The following RNF149 variants were observed in gnomAD, a reference collection of about 807,000 sequenced individuals.
RNF149 encodes E3 ubiquitin-protein ligase RNF149.
In RNF149, 21 loss-of-function variants were observed where a neutral mutation model predicts 39.0. The observed-to-expected ratio is 0.54, with a 90% CI of 0.38 to 0.77. RNF149 has a LOEUF of 0.77. Among genes scored for constraint, RNF149 ranks in the 30% least tolerant of loss-of-function variants. The pLI, the probability that RNF149 is intolerant of heterozygous loss-of-function variation, is 0.00. For missense variants in RNF149, 493 were observed against 534.9 expected, an observed-to-expected ratio of 0.92 and a Z score of 0.77; for synonymous variants, 209 against 213.6, an observed-to-expected ratio of 0.98 and a Z score of 0.19.
downstream of RNF149, among the ~76,000 whole-genome samples, chr2:101,275,493 G>A (rs1441348207): frequency 2.5e-5 from 3 of 121,430 alleles, no homozygotes; most frequent in African/African-American, 9.7e-5. Flanking sequence ...CCAGGCTGGA[G>A]TGCAGTGGCG....
rs1558799591 is a variant in RNF149 at position 101,308,202 on chromosome 2, C to T, written c.387G>A (p.Arg129=). The change falls in exon 1 of 7, where the codon CGG becomes CGA. Residue 129 remains arginine (R), a synonymous_variant. Coordinates refer to ENST00000295317, the MANE Select transcript of RNF149 (RefSeq NM_173647.4). ...TFKDKVLVAA[R]RNASAVVLYN... ...AGAGGACGACGGCCGAGGCGTTCCT[C>T]CGCGCCGCCACCAGCACCTTGTCCT... 1.2e-6 allele frequency: 2 copies of T among 1,609,432 alleles called. No individual in the cohort carries two copies. Among genetic ancestry groups the T allele is most frequent in the African/African-American group, 1.3e-5 (1 of 74,624 alleles).
Position 101,286,082 on chromosome 2 carries a change from C to A in RNF149, c.959G>T (p.Trp320Leu). ...AATATAAACAAAAATGTAACAAACC[C>A]AATATCCTAGGGCTTTGATGACATC... ...KLDVIKALGYWGEPGDVQEMP... is the reference protein window; with the variant it reads ...KLDVIKALGYLGEPGDVQEMP... The change falls in exon 5 of 7, where the codon TGG becomes TTG. Residue 320 changes from tryptophan (W) to leucine (L), a missense_variant and splice_region_variant. By Grantham distance (61) the Trp-to-Leu change is moderately conservative (BLOSUM62 -2). Transcript: ENST00000295317. The A allele has an allele frequency of 6.3e-7, 1 of 1,590,522 alleles. No individual in the cohort carries two copies. The highest frequency in any genetic ancestry group is 8.6e-7 in the Non-Finnish European group (1 of 1,160,092).
At chr2:101,289,684 A>G (rs1682935577) in intron 3 of RNF149, among the ~76,000 whole-genome samples, 1 of 150,562 alleles carries the variant, frequency 6.6e-6, no homozygotes, top group South Asian at 2.1e-4. Context: ...CAGCCTGGGC[A>G]ACTGTTGAGC....
downstream of RNF149, chr2:101,273,293 G>A (rs1386942393): frequency 1.9e-5 from 9 of 481,584 alleles, no homozygotes; most frequent in South Asian, 1.2e-4. Context: ...TGCCACCCGC[G>A]GTTTCCACAG....
intron 5 of RNF149, among the ~76,000 whole-genome samples, chr2:101,285,444 A>G (rs1168120325): frequency 6.6e-6 from 1 of 152,194 alleles, no homozygotes; most frequent in Non-Finnish European, 1.5e-5. Context: ...TCAAGTTTCT[A>G]ATCAGTAAGA....
chr2:101,282,152 C>A (rs914695443), intron 5 of RNF149, 95 bp from the exon 6 acceptor site: 2 of 1,515,668 alleles, frequency 1.3e-6, no homozygotes, highest in African/African-American at 1.4e-5. Flanking sequence ...CACAATATTA[C>A]GTACTTCTGT....
chr2:101,300,893 G>A (rs762976954), intron 1 of RNF149, among the ~76,000 whole-genome samples: 1 of 152,164 alleles, frequency 6.6e-6, no homozygotes, highest in African/African-American at 2.4e-5. Flanking sequence ...TGCCAGGCAC[G>A]GGCACCTTGC....
At position 101,277,087 on chromosome 2, in the gene RNF149, T is replaced by G. The variant is rs1573216162; in HGVS notation, c.*151A>C. ...GAAAAGTCTCTTCAAGAAGAAAATA[T>G]CTTAGTCCTTTGTATATCAAATCAG... is the stretch of plus-strand genomic sequence containing the variant. On this transcript the variant is annotated 3_prime_UTR_variant, in exon 7 of 7. Transcript: ENST00000295317. 2.8e-6 allele frequency: 4 copies of G among 1,406,138 alleles called. No individual in the cohort carries two copies. The East Asian group carries it at 1.1e-4, about 38-fold the overall frequency. The allele number at this position is 1,406,138 out of a possible 1,614,324, so 87.1% of individuals were successfully genotyped here. A position where few individuals can be genotyped will look rare whatever the true frequency, so the allele number is the denominator to read the frequency against.
intron 6 of RNF149, 82 bp from the exon 7 acceptor site, chr2:101,277,363 T>C (rs920555222): frequency 9.3e-6 from 14 of 1,503,514 alleles, no homozygotes; most frequent in East Asian, 2.4e-5. Context: ...ACTTACTCAC[T>C]TGGAGATAAT....
At chr2:101,283,854 C>G (rs1017877035) in intron 5 of RNF149, among the ~76,000 whole-genome samples, 2 of 152,106 alleles carry the variant, frequency 1.3e-5, no homozygotes, top group Admixed American at 6.6e-5. Context: ...CAGTGAAATT[C>G]CTTTCATACA....
At chr2:101,288,230 C>CTTTTTTT (rs554652378) in intron 4 of RNF149, among the ~76,000 whole-genome samples, 1 of 60,576 alleles carries the variant, frequency 1.7e-5, no homozygotes, top group Non-Finnish European at 2.8e-5. Context: ...GAAAGAAAAA[C>CTTTTTTT]TTTTTTTTTT....
At chr2:101,279,424 G>A (rs1232673886) in intron 6 of RNF149, among the ~76,000 whole-genome samples, 2 of 152,208 alleles carry the variant, frequency 1.3e-5, no homozygotes, top group East Asian at 3.8e-4. Context: ...TCTGGAGGCT[G>A]CTCTTGAAAG....
At chr2:101,303,329 G>A (rs1193467671) in intron 1 of RNF149, among the ~76,000 whole-genome samples, 1 of 144,784 alleles carries the variant, frequency 6.9e-6, no homozygotes, top group African/African-American at 2.6e-5. Flanking sequence ...TTTTTGCCAT[G>A]TTGGCCAGGC....
chr2:101,308,617 G>A lies in RNF149; in HGVS notation c.-29C>T, dbSNP rs1230740944. 4.7e-6 allele frequency: 7 copies of A among 1,488,296 alleles called. No homozygotes were observed. The highest frequency in any genetic ancestry group is 2.5e-5 in the East Asian group (1 of 40,468). 92.2% of individuals were successfully genotyped at this position (1,488,296 alleles called of 1,614,324 possible). ...AGCACCGCTGAGCTGACTAGGGGGA[G>A]TCAGGGTCACGCGCGAGTGCGGTGC... On this transcript the variant is annotated 5_prime_UTR_variant, in exon 1 of 7. Coordinates refer to ENST00000295317, the MANE Select transcript of RNF149 (RefSeq NM_173647.4).
chr2:101,307,576 C>G (rs886796693), intron 1 of RNF149, among the ~76,000 whole-genome samples: 1 of 152,122 alleles, frequency 6.6e-6, no homozygotes, highest in Non-Finnish European at 1.5e-5. Flanking sequence ...TGTTATAACC[C>G]TAAATTTAGC....
intron 4 of RNF149, among the ~76,000 whole-genome samples, chr2:101,288,243 T>C (rs1682871494): frequency 7.0e-6 from 1 of 143,210 alleles, no homozygotes; most frequent in African/African-American, 2.6e-5. Flanking sequence ...TTTTTTTTTT[T>C]TTTTTTTTTT....
intron 3 of RNF149, among the ~76,000 whole-genome samples, chr2:101,289,910 G>A (rs766371789): frequency 1.3e-5 from 2 of 151,824 alleles, no homozygotes; most frequent in East Asian, 3.9e-4. Flanking sequence ...AGCCAGACAC[G>A]GTGGCTCATG....
intron 2 of RNF149, 38 bp from the exon 3 acceptor site, chr2:101,294,120 T>C: frequency 9.1e-7 from 1 of 1,095,090 alleles, no homozygotes; most frequent in Non-Finnish European, 1.4e-6. Context: ...ATTGAAAAAT[T>C]TAAATTAAAT....
chr2:101,300,322 G>A (rs1683403439), intron 1 of RNF149, among the ~76,000 whole-genome samples: 1 of 152,090 alleles, frequency 6.6e-6, no homozygotes, highest in African/African-American at 2.4e-5. Context: ...AGATGAGTGG[G>A]AGACAGAAGA....
Sources: allele counts gnomAD v4.1 joint callset (sites outside exome capture counted in the v4.1 genomes callset), GRCh38; gene constraint gnomAD v4.1.1; transcripts MANE v1.5; gene names NCBI Gene and HGNC (gene_info 2026-07-23, HGNC 2026-07-21).